Variants in SORCS1 observed in about 807,000 individuals in gnomAD.
SORCS1 encodes VPS10 domain-containing receptor SorCS1.
A neutral mutation model predicts 146.1 loss-of-function variants in SORCS1; 60 were observed. That is an observed-to-expected ratio of 0.41 (90% CI 0.33 to 0.51). The LOEUF (loss-of-function observed/expected upper bound fraction) is 0.51, where lower values mean the gene tolerates loss of function less well. Ranked by LOEUF, SORCS1 falls within the 20% of genes least tolerant of loss-of-function variation. The probability of loss-of-function intolerance (pLI) is 0.21; values close to 1 mark genes in which losing one functional copy is unlikely to be tolerated. For synonymous variants in SORCS1, 637 were observed against 584.0 expected (o/e 1.09, Z -1.31); for missense variants, 1,352 against 1,487.6 (o/e 0.91, Z 1.50).
intron 1 of SORCS1, among the ~76,000 whole-genome samples, chr10:107,021,025 G>A (rs1056267646): frequency 7.2e-5 from 11 of 152,026 alleles, no homozygotes; most frequent in African/African-American, 1.9e-4. Context: ...TTTATTGAAT[G>A]TCTATTGTAT....
At chr10:107,097,787 C>T (rs1450402547) in intron 1 of SORCS1, among the ~76,000 whole-genome samples, 1 of 152,118 alleles carries the variant, frequency 6.6e-6, no homozygotes, top group Non-Finnish European at 1.5e-5. Context: ...TTATAGGTTT[C>T]CTTTAGTTCT....
intron 24 of SORCS1, among the ~76,000 whole-genome samples, chr10:106,592,185 T>C (rs1031996816): frequency 3.9e-5 from 6 of 152,180 alleles, no homozygotes; most frequent in Non-Finnish European, 8.8e-5. Context: ...TTCAGAAACA[T>C]ACCTGTCAGG....
chr10:106,956,874 C>A (rs1313977628), intron 1 of SORCS1, among the ~76,000 whole-genome samples: 1 of 152,150 alleles, frequency 6.6e-6, no homozygotes, highest in Non-Finnish European at 1.5e-5. Context: ...GGAAGGCTGG[C>A]AGAGCTGCCA....
At chr10:106,615,212 T>C (rs1019054923) in intron 21 of SORCS1, among the ~76,000 whole-genome samples, 2 of 152,218 alleles carry the variant, frequency 1.3e-5, no homozygotes, top group Non-Finnish European at 2.9e-5. Flanking sequence ...AACTCATGAA[T>C]GTCTTTCTCA....
At chr10:106,696,312 T>A (rs1470538348) in intron 9 of SORCS1, among the ~76,000 whole-genome samples, 1 of 152,224 alleles carries the variant, frequency 6.6e-6, no homozygotes, top group African/African-American at 2.4e-5. Context: ...TCATCATTCA[T>A]TGCAATTCTA....
At chr10:106,625,875 T>G (rs1286000974) in intron 19 of SORCS1, among the ~76,000 whole-genome samples, 6 of 152,156 alleles carry the variant, frequency 3.9e-5, no homozygotes, top group Non-Finnish European at 8.8e-5. Flanking sequence ...GCATGCTCTC[T>G]AAAACCTCTG....
intron 1 of SORCS1, among the ~76,000 whole-genome samples, chr10:106,957,449 G>A (rs1429557923): frequency 6.6e-6 from 1 of 152,010 alleles, no homozygotes; most frequent in Admixed American, 6.6e-5. Context: ...TGGGATTACA[G>A]GTGTGAGCCA....
chr10:106,882,048 G>C (rs1429922910), intron 2 of SORCS1, among the ~76,000 whole-genome samples: 1 of 152,170 alleles, frequency 6.6e-6, no homozygotes, highest in East Asian at 1.9e-4. Context: ...ATTTAGTACA[G>C]TTGCTTCTGA....
intron 2 of SORCS1, among the ~76,000 whole-genome samples, chr10:106,924,907 A>G (rs1249091003): frequency 2.0e-5 from 3 of 152,106 alleles, no homozygotes. Flanking sequence ...TCTGTTTTCA[A>G]CAAACTTCAG....
At chr10:106,607,084 T>G (rs923040432) in intron 23 of SORCS1, 82 bp downstream of exon 23, 2 of 1,551,850 alleles carry the variant, frequency 1.3e-6, no homozygotes, top group African/African-American at 1.4e-5. Context: ...CACCAGTTTA[T>G]GGGTCAGAAA....
At chr10:107,045,506 G>C (rs750549776) in intron 1 of SORCS1, among the ~76,000 whole-genome samples, 2 of 152,112 alleles carry the variant, frequency 1.3e-5, no homozygotes, top group African/African-American at 4.8e-5. Context: ...GAGTGTTACA[G>C]GGCATGGACA....
intron 3 of SORCS1, among the ~76,000 whole-genome samples, chr10:106,811,761 G>A (rs1035911029): frequency 3.0e-4 from 46 of 152,158 alleles, no homozygotes; most frequent in African/African-American, 1.0e-3. Flanking sequence ...TTGAGCAGTT[G>A]CTATTAACTC....
chr10:107,067,383 G>T (rs900065057), intron 1 of SORCS1, among the ~76,000 whole-genome samples: 1 of 151,954 alleles, frequency 6.6e-6, no homozygotes, highest in Middle Eastern at 3.4e-3. Flanking sequence ...GTGTATCTGG[G>T]AAAAGATCAT....
At chr10:106,870,307 A>C (rs1419866227) in intron 2 of SORCS1, among the ~76,000 whole-genome samples, 1 of 152,170 alleles carries the variant, frequency 6.6e-6, no homozygotes, top group Non-Finnish European at 1.5e-5. Context: ...TTATCAAACT[A>C]CCAAAGATAC....
intron 1 of SORCS1, among the ~76,000 whole-genome samples, chr10:107,110,827 A>G (rs890461428): frequency 6.6e-6 from 1 of 152,160 alleles, no homozygotes; most frequent in African/African-American, 2.4e-5. Context: ...CAGTTGTGCA[A>G]CTGGTAACAG....
chr10:107,049,465 C>T (rs1335338308), intron 1 of SORCS1, among the ~76,000 whole-genome samples: 1 of 152,054 alleles, frequency 6.6e-6, no homozygotes, highest in African/African-American at 2.4e-5. Context: ...GCTGCCTGAA[C>T]CCAAAATTTC....
chr10:106,896,528 A>G (rs1006395831), intron 2 of SORCS1, among the ~76,000 whole-genome samples: 4 of 151,980 alleles, frequency 2.6e-5, no homozygotes, highest in African/African-American at 9.7e-5. Context: ...CAGAGTTTGA[A>G]ATTTACAAGA....
intron 1 of SORCS1, among the ~76,000 whole-genome samples, chr10:107,016,677 T>C (rs947479025): frequency 1.3e-5 from 2 of 152,120 alleles, no homozygotes; most frequent in African/African-American, 4.8e-5. Flanking sequence ...ACATGGTAAA[T>C]TGACTATTTT....
At chr10:106,728,056 G>A (rs141722470) in intron 6 of SORCS1, among the ~76,000 whole-genome samples, 222 of 150,952 alleles carry the variant, frequency 1.5e-3, no homozygotes, top group African/African-American at 5.2e-3. Context: ...TTTTTGAGAC[G>A]GAGTCTGGCT....
Sources: allele counts gnomAD v4.1 joint callset (sites outside exome capture counted in the v4.1 genomes callset), GRCh38; gene constraint gnomAD v4.1.1; transcripts MANE v1.5; gene names NCBI Gene and HGNC (gene_info 2026-07-23, HGNC 2026-07-21).